The following LRMDA variants were observed in gnomAD, a reference collection of about 807,000 sequenced individuals.
LRMDA encodes the protein leucine-rich melanocyte differentiation-associated protein.
LRMDA carries 18 observed loss-of-function variants against 29.8 expected under a neutral mutation model. The ratio of observed to expected loss-of-function variants is 0.60; its 90% confidence interval spans 0.42 to 0.90. The LOEUF (loss-of-function observed/expected upper bound fraction) is 0.90, where lower values mean the gene tolerates loss of function less well. Among genes scored for constraint, LRMDA ranks in the 40% least tolerant of loss-of-function variants. The pLI is 0.00. For missense variants in LRMDA, 273 were observed against 273.9 expected (o/e 1.00, Z 0.02); for synonymous variants, 125 against 109.4 (o/e 1.14, Z -0.89).
intron 2 of LRMDA, among the ~76,000 whole-genome samples, chr10:75,961,739 C>T (rs1846770235): frequency 6.6e-6 from 1 of 152,202 alleles, no homozygotes; most frequent in African/African-American, 2.4e-5. Context: ...TCTAAAGTTG[C>T]ATTAATTTGC....
At chr10:75,785,410 C>T (rs77627617) in intron 2 of LRMDA, among the ~76,000 whole-genome samples, 2,052 of 152,242 alleles carry the variant, frequency 0.013, 54 homozygotes, top group African/African-American at 0.047. Context: ...AAGACCACAC[C>T]GAACACTGAG....
At chr10:76,547,379 C>G (rs1843433778) in intron 6 of LRMDA, among the ~76,000 whole-genome samples, 1 of 152,160 alleles carries the variant, frequency 6.6e-6, no homozygotes, top group Non-Finnish European at 1.5e-5. Flanking sequence ...TAGCCCCATT[C>G]CTGAAAACCT....
chr10:75,658,717 T>C (rs1383284903), intron 2 of LRMDA, among the ~76,000 whole-genome samples: 1 of 152,172 alleles, frequency 6.6e-6, no homozygotes, highest in Non-Finnish European at 1.5e-5. Context: ...ACTAAGATGA[T>C]GTTCAGTATA....
At chr10:75,803,321 G>T (rs933356883) in intron 2 of LRMDA, among the ~76,000 whole-genome samples, 1 of 152,184 alleles carries the variant, frequency 6.6e-6, no homozygotes, top group African/African-American at 2.4e-5. Context: ...TCATAATATG[G>T]TGACACATTT....
intron 6 of LRMDA, among the ~76,000 whole-genome samples, chr10:76,334,879 C>T (rs1840948852): frequency 6.6e-6 from 1 of 152,162 alleles, no homozygotes; most frequent in Non-Finnish European, 1.5e-5. Flanking sequence ...AAGCTGTGGG[C>T]TCTGCCTTCA....
At chr10:76,539,785 A>C (rs2132383071) in intron 6 of LRMDA, among the ~76,000 whole-genome samples, 1 of 152,310 alleles carries the variant, frequency 6.6e-6, no homozygotes, top group South Asian at 2.1e-4. Flanking sequence ...AGACTGATTA[A>C]GTGCTGTCTA....
At chr10:76,372,603 G>C (rs1160731969) in intron 6 of LRMDA, among the ~76,000 whole-genome samples, 1 of 30,004 alleles carries the variant, frequency 3.3e-5, no homozygotes, top group East Asian at 2.7e-4. Flanking sequence ...GACAGAGACA[G>C]ACTTCATCTC....
intron 5 of LRMDA, among the ~76,000 whole-genome samples, chr10:76,117,479 T>G (rs1247292212): frequency 6.6e-6 from 1 of 152,162 alleles, no homozygotes; most frequent in Non-Finnish European, 1.5e-5. Context: ...AGCATAGGCT[T>G]TGGGGGATCA....
intron 6 of LRMDA, among the ~76,000 whole-genome samples, chr10:76,490,470 G>A (rs1032306392): frequency 6.6e-6 from 1 of 151,802 alleles, no homozygotes; most frequent in African/African-American, 2.4e-5. Context: ...CCAGTGTTCA[G>A]TGCATATGTA....
At chr10:75,974,978 G>A (rs555281323) in intron 2 of LRMDA, among the ~76,000 whole-genome samples, 13 of 152,332 alleles carry the variant, frequency 8.5e-5, no homozygotes, top group African/African-American at 2.6e-4. Context: ...ATGCTTTAAT[G>A]AGCGATGACC....
intron 2 of LRMDA, among the ~76,000 whole-genome samples, chr10:75,812,456 A>G (rs1015235658): frequency 8.5e-5 from 13 of 152,176 alleles, no homozygotes; most frequent in African/African-American, 2.4e-4. Context: ...TCTTTCGACC[A>G]TAAGTGGGAA....
rs1846831238 is a variant in LRMDA at position 75,964,939 on chromosome 10, A to AT, written c.132-71063dup. 2.0e-5 allele frequency among the ~76,000 whole-genome samples: 3 copies of AT among 152,022 alleles called. No individual in the cohort carries two copies. The South Asian group carries it at 6.2e-4, about 32-fold the overall frequency. On this transcript the variant is annotated intron_variant, in intron 2 of 6. Transcript: ENST00000611255. ...GCCACCACACCTGGCTAATTTTTGTATTTTTTGGTGGAGATGGGGTTTCGC... is the reference window on the plus strand; with the variant it reads ...GCCACCACACCTGGCTAATTTTTGTATTTTTTTGGTGGAGATGGGGTTTCGC...
chr10:76,349,078 T>C (rs1333896248), intron 6 of LRMDA, among the ~76,000 whole-genome samples: 1 of 152,208 alleles, frequency 6.6e-6, no homozygotes, highest in African/African-American at 2.4e-5. Context: ...ATGAGTGTCT[T>C]TGTGGCAGGT....
intron 5 of LRMDA, among the ~76,000 whole-genome samples, chr10:76,301,024 A>G (rs1389531415): frequency 3.3e-5 from 5 of 152,170 alleles, no homozygotes; most frequent in African/African-American, 1.2e-4. Context: ...GGACCAATCA[A>G]ATTTTGACAA....
chr10:75,810,302 T>C (rs9299529), intron 2 of LRMDA, among the ~76,000 whole-genome samples: 125,419 of 152,150 alleles, frequency 0.82, 52,366 homozygotes, highest in East Asian at 1. Flanking sequence ...GCAGTCACAC[T>C]GGCTGCAGTG....
intron 6 of LRMDA, among the ~76,000 whole-genome samples, chr10:76,518,063 T>G (rs1843079583): frequency 6.6e-6 from 1 of 151,606 alleles, no homozygotes; most frequent in South Asian, 2.1e-4. Context: ...AATCACTAAA[T>G]GGACTGAACT....
At chr10:75,941,684 C>T (rs1455704774) in intron 2 of LRMDA, among the ~76,000 whole-genome samples, 1 of 152,160 alleles carries the variant, frequency 6.6e-6, no homozygotes, top group Non-Finnish European at 1.5e-5. Context: ...GTAGAGTATC[C>T]TGTGATCTGG....
intron 6 of LRMDA, among the ~76,000 whole-genome samples, chr10:76,441,229 G>A (rs1842299385): frequency 6.6e-6 from 1 of 152,158 alleles, no homozygotes; most frequent in Non-Finnish European, 1.5e-5. Flanking sequence ...AATTAAGGGT[G>A]AGAGAAATCA....
At chr10:76,000,215 C>T (rs924809225) in intron 2 of LRMDA, among the ~76,000 whole-genome samples, 1 of 152,024 alleles carries the variant, frequency 6.6e-6, no homozygotes, top group Non-Finnish European at 1.5e-5. Context: ...CTGATGAATG[C>T]GAGAGCCCTG....
Sources: allele counts gnomAD v4.1 joint callset (sites outside exome capture counted in the v4.1 genomes callset), GRCh38; gene constraint gnomAD v4.1.1; transcripts MANE v1.5; gene names NCBI Gene and HGNC (gene_info 2026-07-23, HGNC 2026-07-21).